The following WBP1L variants were observed in gnomAD, a reference collection of about 807,000 sequenced individuals.
The protein encoded by WBP1L is WW domain binding protein 1 like.
In WBP1L, 17 loss-of-function variants were observed where a neutral mutation model predicts 33.7. The observed-to-expected ratio is 0.50, with a 90% CI of 0.34 to 0.76. The LOEUF is 0.76. Ranked by LOEUF, WBP1L falls within the 30% of genes least tolerant of loss-of-function variation. The probability of loss-of-function intolerance (pLI) is 0.01; values close to 1 mark genes in which losing one functional copy is unlikely to be tolerated. For synonymous variants in WBP1L, 173 were observed against 190.8 expected (o/e 0.91, Z 0.77); for missense variants, 389 against 469.4 (o/e 0.83, Z 1.58).
intron 1 of WBP1L, among the ~76,000 whole-genome samples, chr10:102,761,702 C>T (rs1244612499): frequency 6.6e-6 from 1 of 151,918 alleles, no homozygotes; most frequent in African/African-American, 2.4e-5. Flanking sequence ...GTGATACACC[C>T]ACCTCGGCCT....
intron 1 of WBP1L, among the ~76,000 whole-genome samples, chr10:102,768,218 G>A (rs61870775): frequency 0.017 from 2,538 of 151,912 alleles, 40 homozygotes; most frequent in Middle Eastern, 0.041. Context: ...GAGTTTACAG[G>A]CATGTGCCAC....
rs1458101069 is a variant in WBP1L, at chr10:102,798,011, G to T, written c.109G>T (p.Gly37Cys). The stretch of plus-strand genomic sequence containing the variant: ...TTTTTAGGATAAGGAAGCCTGTGTG[G>T]GTACCAACAATCAAAGCTACATCTG... The part of the protein sequence containing the change: ...EPPQDKEACV[G>C]TNNQSYICDT... The change falls in exon 2 of 4, where the codon GGT (glycine) becomes TGT (cysteine). Residue 37 changes from glycine (G) to cysteine (C), a missense_variant. Gly to Cys is a radical substitution (Grantham distance 159). Transcript: ENST00000448841. The T allele has an allele frequency of 6.2e-7, 1 of 1,613,926 alleles. No individual in the cohort carries two copies. Among genetic ancestry groups the T allele is most frequent in the Non-Finnish European group, 8.5e-7 (1 of 1,179,994 alleles).
intron 1 of WBP1L, among the ~76,000 whole-genome samples, chr10:102,769,114 AG>A (rs1843152852): frequency 6.6e-6 from 1 of 152,186 alleles, no homozygotes; most frequent in Admixed American, 6.5e-5. Context: ...CCTACTGAGT[AG>A]CTGAACCTAC....
chr10:102,815,775 A>T lies in WBP1L; in HGVS notation c.*2444A>T, dbSNP rs1843931598. 6.6e-6 allele frequency: 1 copy of T among 152,208 alleles called. No individual in the cohort carries two copies. The highest frequency in any genetic ancestry group is 6.5e-5 in the Admixed American group (1 of 15,282). 9.4% of individuals were successfully genotyped at this position (152,208 alleles called of 1,614,324 possible). The stretch of plus-strand genomic sequence containing the variant: ...AAATGGATGAGTTCTGAGCCTCTCA[A>T]GTTCCTTTCCCCAGTTAGAGTGGGG... On this transcript the variant is annotated 3_prime_UTR_variant, in exon 4 of 4. Coordinates refer to ENST00000448841, the MANE Select transcript of WBP1L (RefSeq NM_001083913.2).
At chr10:102,779,028 G>C (rs1843302015) in intron 1 of WBP1L, among the ~76,000 whole-genome samples, 1 of 152,028 alleles carries the variant, frequency 6.6e-6, no homozygotes, top group Non-Finnish European at 1.5e-5. Context: ...TTTTTAACTT[G>C]AGTCTTTCCC....
intron 2 of WBP1L, among the ~76,000 whole-genome samples, chr10:102,802,702 G>C (rs553915126): frequency 1.3e-5 from 2 of 152,202 alleles, no homozygotes; most frequent in South Asian, 4.1e-4. Context: ...CACCATGTTG[G>C]CCAGGCTGGT....
Position 102,790,543 on chromosome 10 carries a change from C to T in WBP1L, c.91-7450C>T, listed in dbSNP as rs1404269523. Among the ~76,000 whole-genome samples, 4 of 152,214 alleles carry T rather than the reference C, an allele frequency of 2.6e-5. No individual in the cohort carries two copies. In the East Asian group the frequency reaches 7.7e-4, roughly 29 times the overall value. On this transcript the variant is annotated intron_variant, in intron 1 of 3. Coordinates refer to ENST00000448841, the MANE Select transcript of WBP1L (RefSeq NM_001083913.2). Reference sequence around the variant, plus strand: ...TATTTTTATTTTTGAGACAGTCTCTCACTGTCGCCCAGGCTGGAGTACAAT... The same window carrying T: ...TATTTTTATTTTTGAGACAGTCTCTTACTGTCGCCCAGGCTGGAGTACAAT...
chr10:102,772,099 A>G (rs1452008092), intron 1 of WBP1L, among the ~76,000 whole-genome samples: 2 of 147,784 alleles, frequency 1.4e-5, no homozygotes, highest in Non-Finnish European at 3.0e-5. Context: ...AGCTGGAACT[A>G]CAGGCGCCCG....
intron 1 of WBP1L, among the ~76,000 whole-genome samples, chr10:102,797,602 G>A (rs1843591652): frequency 6.6e-6 from 1 of 152,012 alleles, no homozygotes; most frequent in South Asian, 2.1e-4. Flanking sequence ...GCCCAGGCTG[G>A]AGTGCAGTGG....
In WBP1L at chr10:102,774,707, G is replaced by A. The variant is rs141009795; in HGVS notation, c.91-23286G>A. 1.2e-3 allele frequency among the ~76,000 whole-genome samples: 178 copies of A among 152,244 alleles called. 1 individual carries two copies. Among genetic ancestry groups the A allele is most frequent in the African/African-American group, 4.1e-3 (169 of 41,550 alleles). On this transcript the variant is annotated intron_variant, in intron 1 of 3. Transcript: ENST00000448841. ...TTCTGACTTACATGGATCATGCCCA[G>A]CACAGTGCCACTACCATGGAGGCCT...
chr10:102,786,095 C>G lies in WBP1L; in HGVS notation c.91-11898C>G, dbSNP rs141490770. On this transcript the variant is annotated intron_variant, in intron 1 of 3. Coordinates refer to ENST00000448841, the MANE Select transcript of WBP1L (RefSeq NM_001083913.2). ...CAGGAAATGGATTTTAATTTTTTTGCTGGCTGCTCTGTTTGGGGGCTGTTT... is the reference window on the plus strand; with the variant it reads ...CAGGAAATGGATTTTAATTTTTTTGGTGGCTGCTCTGTTTGGGGGCTGTTT... 2.4e-3 allele frequency among the ~76,000 whole-genome samples: 372 copies of G among 152,256 alleles called. 4 individuals are homozygous for G. Among genetic ancestry groups the G allele is most frequent in the African/African-American group, 8.2e-3 (341 of 41,554 alleles).
At chr10:102,785,700 C>CCACCTGCTACT (rs1843405992) in intron 1 of WBP1L, among the ~76,000 whole-genome samples, 1 of 152,170 alleles carries the variant, frequency 6.6e-6, no homozygotes, top group African/African-American at 2.4e-5. Flanking sequence ...TGCCTGAGTG[C>CCACCTGCTACT]CACCTGCTAC....
intron 1 of WBP1L, chr10:102,746,155 AGGT>A: frequency 1.0e-6 from 1 of 985,398 alleles, no homozygotes; most frequent in African/African-American, 1.7e-5. Context: ...GGTTCCTACC[AGGT>A]CGTGGAGCCT....
At chr10:102,772,558 CTTTTTTTTTTTTT>C (rs34624231) in intron 1 of WBP1L, among the ~76,000 whole-genome samples, 3 of 64,742 alleles carry the variant, frequency 4.6e-5, no homozygotes, top group African/African-American at 1.7e-4. Flanking sequence ...ATGCCCGGCC[CTTTTTTTTTTTTT>C]TTTTTTTTTT....
chr10:102,791,152 A>G (rs937813278), intron 1 of WBP1L, among the ~76,000 whole-genome samples: 1 of 152,144 alleles, frequency 6.6e-6, no homozygotes, highest in African/African-American at 2.4e-5. Context: ...GGTGGGCCCA[A>G]GATCAACAAA....
chr10:102,750,099 T>G (rs928314757), intron 1 of WBP1L, among the ~76,000 whole-genome samples: 1 of 151,812 alleles, frequency 6.6e-6, no homozygotes, highest in East Asian at 2.0e-4. Context: ...TTTAATTTTT[T>G]ATATCAACTT....
At chr10:102,807,955 C>T (rs1843760286) in intron 2 of WBP1L, among the ~76,000 whole-genome samples, 1 of 151,732 alleles carries the variant, frequency 6.6e-6, no homozygotes, top group Admixed American at 6.6e-5. Flanking sequence ...ACCTGTAATC[C>T]TAGCACTTTG....
At chr10:102,756,588 T>A (rs895629215) in intron 1 of WBP1L, among the ~76,000 whole-genome samples, 3 of 152,164 alleles carry the variant, frequency 2.0e-5, no homozygotes, top group Non-Finnish European at 4.4e-5. Context: ...CCATTGTTAA[T>A]GGAGTTTTTG....
intron 3 of WBP1L, among the ~76,000 whole-genome samples, chr10:102,812,007 G>A (rs528391861): frequency 3.9e-5 from 6 of 152,276 alleles, no homozygotes; most frequent in South Asian, 2.1e-4. Flanking sequence ...ACCCTTTGCC[G>A]GTCACCCATC....
Sources: allele counts gnomAD v4.1 joint callset (sites outside exome capture counted in the v4.1 genomes callset), GRCh38; gene constraint gnomAD v4.1.1; transcripts MANE v1.5; gene names NCBI Gene and HGNC (gene_info 2026-07-23, HGNC 2026-07-21).